SLC28A3: variants seen among roughly 807,000 people sequenced by gnomAD.
The protein encoded by SLC28A3 is solute carrier family 28 member 3, also known as concentrative Na(+)-nucleoside cotransporter 3.
SLC28A3 carries 68 observed loss-of-function variants against 84.2 expected under a neutral mutation model. The ratio of observed to expected loss-of-function variants is 0.81; its 90% confidence interval spans 0.66 to 0.99. The LOEUF (loss-of-function observed/expected upper bound fraction) is 0.99, where lower values mean the gene tolerates loss of function less well. Ranked by LOEUF, SLC28A3 falls within the 50% of genes least tolerant of loss-of-function variation. SLC28A3 has a pLI of 0.00. For missense variants in SLC28A3, 712 were observed against 841.5 expected (o/e 0.85, Z 1.90); for synonymous variants, 267 against 303.6 (o/e 0.88, Z 1.25).
intron 4 of SLC28A3, among the ~76,000 whole-genome samples, chr9:84,303,345 A>T (rs1339493863): frequency 1.3e-5 from 2 of 152,034 alleles, no homozygotes. Context: ...TTTGATATGG[A>T]GTTTTGCTCT....
At chr9:84,353,063 C>G in the SLC28A3 span, among the ~76,000 whole-genome samples, 2 of 151,856 alleles carry the variant, frequency 1.3e-5, no homozygotes, top group African/African-American at 4.8e-5. Context: ...ATTATCAGGT[C>G]AAGCCATTGG....
At chr9:84,323,110 C>T (rs1373965484) in intron 1 of SLC28A3, among the ~76,000 whole-genome samples, 10 of 152,062 alleles carry the variant, frequency 6.6e-5, no homozygotes, top group Admixed American at 5.9e-4. Flanking sequence ...AAATGGATTG[C>T]GGTATTTGCT....
intron 3 of SLC28A3, among the ~76,000 whole-genome samples, chr9:84,309,320 C>G (rs965618129): frequency 6.6e-6 from 1 of 151,650 alleles, no homozygotes; most frequent in South Asian, 2.1e-4. Flanking sequence ...GTCAGGAGTT[C>G]GAGACCAGCC....
At chr9:84,337,251 A>T (rs973645220) in intron 1 of SLC28A3, among the ~76,000 whole-genome samples, 2 of 152,082 alleles carry the variant, frequency 1.3e-5, no homozygotes, top group Admixed American at 1.3e-4. Context: ...AGAAGAGCAT[A>T]TTATTCTTTC....
intron 1 of SLC28A3, among the ~76,000 whole-genome samples, chr9:84,337,573 T>A (rs773478608): frequency 2.0e-5 from 3 of 152,314 alleles, no homozygotes; most frequent in Middle Eastern, 3.4e-3. Context: ...GCCAGTTTGC[T>A]GACTGTTTTA....
At chr9:84,360,078 G>A in the SLC28A3 span, among the ~76,000 whole-genome samples, 1 of 151,874 alleles carries the variant, frequency 6.6e-6, no homozygotes, top group African/African-American at 2.4e-5. Context: ...AGACTCTGAC[G>A]TGGGAAGGAA....
At chr9:84,304,290 A>G (rs1825721133) in intron 4 of SLC28A3, among the ~76,000 whole-genome samples, 1 of 152,168 alleles carries the variant, frequency 6.6e-6, no homozygotes, top group Admixed American at 6.5e-5. Flanking sequence ...ACTGTTCCCT[A>G]TTCCAACTGT....
the SLC28A3 span, among the ~76,000 whole-genome samples, chr9:84,347,447 C>T: frequency 1.3e-5 from 2 of 152,258 alleles, no homozygotes; most frequent in Admixed American, 1.3e-4. Flanking sequence ...GCCTGTGAAA[C>T]CTAGTCTTGT....
At position 84,322,745 on chromosome 9, in the gene SLC28A3, A is replaced by G. The variant is rs541299437; in HGVS notation, c.61-9291T>C. Among the ~76,000 whole-genome samples, 24 of 152,262 alleles carry G rather than the reference A, an allele frequency of 1.6e-4. 1 individual carries two copies. The South Asian group carries it at 2.5e-3, about 16-fold the overall frequency. On this transcript the variant is annotated intron_variant, in intron 1 of 17. Transcript: ENST00000376238. The stretch of plus-strand genomic sequence containing the variant: ...CTGTAATCCCAGCTACTTGGGAGAC[A>G]TGAGAATCGCTTGAGCCCAGGAGGT...
chr9:84,320,046 T>TGTTTTTTG (rs1372023054), intron 1 of SLC28A3, among the ~76,000 whole-genome samples: 3 of 122,338 alleles, frequency 2.5e-5, no homozygotes, highest in African/African-American at 7.2e-5. Flanking sequence ...CACTGTTTTT[T>TGTTTTTTG]TTTTTTTTTT....
chr9:84,316,870 G>A (rs10114877), intron 1 of SLC28A3, among the ~76,000 whole-genome samples: 54,515 of 151,786 alleles, frequency 0.36, 14,012 homozygotes, highest in African/African-American at 0.72. Flanking sequence ...GCGTGGTGGC[G>A]GGCACCTGTA....
Position 84,278,318 on chromosome 9 carries a change from ACTTCACCAGGACCCTTGG to A in SLC28A3, c.1958_1975del (p.Ala653_Glu658del). ...CAGACTGTGGTTTCCTCCTGGGATG[ACTTCACCAGGACCCTTGG>A]CAACAGTGCTGGTGGAAAGTGGAAA... On this transcript the variant is annotated inframe_deletion, in exon 18 of 18. Coordinates refer to ENST00000376238, the MANE Select transcript of SLC28A3 (RefSeq NM_001199633.2). 1 of 1,614,146 alleles carries A rather than the reference ACTTCACCAGGACCCTTGG, an allele frequency of 6.2e-7. No individual in the cohort carries two copies. The highest frequency in any genetic ancestry group is 8.5e-7 in the Non-Finnish European group (1 of 1,180,006).
chr9:84,357,081 TG>T, the SLC28A3 span, among the ~76,000 whole-genome samples: 1 of 152,190 alleles, frequency 6.6e-6, no homozygotes. Flanking sequence ...CCTGCTAGAC[TG>T]TCAGCTTCAT....
At chr9:84,305,505 T>C (rs1206634515) in intron 3 of SLC28A3, among the ~76,000 whole-genome samples, 160 bp from the exon 4 acceptor site, 3 of 152,238 alleles carry the variant, frequency 2.0e-5, no homozygotes, top group African/African-American at 4.8e-5. Context: ...CATTTCATTT[T>C]AGACTAGAGT....
chr9:84,331,470 GACTTAC>G (rs1178595243), intron 1 of SLC28A3, among the ~76,000 whole-genome samples: 2 of 152,144 alleles, frequency 1.3e-5, no homozygotes, highest in Non-Finnish European at 2.9e-5. Context: ...ATCCCTGATG[GACTTAC>G]ACTTACATGA....
the SLC28A3 span, among the ~76,000 whole-genome samples, chr9:84,351,776 A>G: frequency 4.0e-5 from 6 of 151,896 alleles, no homozygotes; most frequent in Non-Finnish European, 8.8e-5. Flanking sequence ...CCTGATCTTG[A>G]TAATTGTATT....
chr9:84,334,979 C>G (rs944034752), intron 1 of SLC28A3, among the ~76,000 whole-genome samples: 3 of 145,782 alleles, frequency 2.1e-5, no homozygotes, highest in Non-Finnish European at 4.5e-5. Context: ...TGGCCCTCTG[C>G]TTCATTCTCT....
chr9:84,290,156 C>A lies in SLC28A3; in HGVS notation c.1147G>T (p.Gly383Trp), dbSNP rs1291573362. The A allele has an allele frequency of 6.2e-7, 1 of 1,612,962 alleles. No homozygotes were observed. Among genetic ancestry groups the A allele is most frequent in the Admixed American group, 1.7e-5 (1 of 59,868 alleles). ...GSVLGAYISF[G>W]VPSSHLLTAS... ...TCATAATTCCAAAACATTCTTACCCCAAAAGAAATGTATGCACCTAGCACG... is the reference window on the plus strand; with the variant it reads ...TCATAATTCCAAAACATTCTTACCCAAAAAGAAATGTATGCACCTAGCACG... Residue 383 changes from glycine to tryptophan, a missense_variant and splice_region_variant, in exon 11 of 18, where the codon GGG (glycine) becomes TGG (tryptophan). Gly to Trp is a radical substitution (Grantham distance 184). Transcript: ENST00000376238.
chr9:84,283,349 T>G (rs749621970), intron 14 of SLC28A3, among the ~76,000 whole-genome samples: 15 of 152,230 alleles, frequency 9.9e-5, no homozygotes, highest in Non-Finnish European at 1.6e-4. Context: ...ATTTTAACAC[T>G]ATCTATCTCT....
Sources: allele counts gnomAD v4.1 joint callset (sites outside exome capture counted in the v4.1 genomes callset), GRCh38; gene constraint gnomAD v4.1.1; transcripts MANE v1.5; gene names NCBI Gene and HGNC (gene_info 2026-07-23, HGNC 2026-07-21).